SLC24A1: variants seen among roughly 807,000 people sequenced by gnomAD.
SLC24A1 encodes sodium/potassium/calcium exchanger 1.
A neutral mutation model predicts 88.1 loss-of-function variants in SLC24A1; 52 were observed. The observed-to-expected ratio is 0.59, with a 90% CI of 0.47 to 0.74. The LOEUF is 0.74. Among genes scored for constraint, SLC24A1 ranks in the 30% least tolerant of loss-of-function variants. The pLI is 0.00. For missense variants in SLC24A1, 1,173 were observed against 1,363.3 expected, an observed-to-expected ratio of 0.86 and a Z score of 2.20; for synonymous variants, 455 against 498.0, an observed-to-expected ratio of 0.91 and a Z score of 1.15.
chr15:65,617,783 G>A (rs892138515), upstream of SLC24A1, among the ~76,000 whole-genome samples: 1 of 152,234 alleles, frequency 6.6e-6, no homozygotes, highest in Non-Finnish European at 1.5e-5. Flanking sequence ...TAGGTGTGGT[G>A]AGAGAGGGCA....
At chr15:65,611,879 C>G (rs1417137551) in intron 1 of SLC24A1, 1 of 152,304 alleles carries the variant, frequency 6.6e-6, no homozygotes, top group Non-Finnish European at 1.5e-5. Context: ...GGGAAAAACC[C>G]CAAAACTGTA....
At chr15:65,626,252 A>G (rs550802736) in intron 2 of SLC24A1, among the ~76,000 whole-genome samples, 4 of 152,310 alleles carry the variant, frequency 2.6e-5, no homozygotes, top group South Asian at 4.1e-4. Context: ...GTTAAACCAC[A>G]TGTTCAAGGT....
chr15:65,646,375 C>T (rs1047370322), intron 6 of SLC24A1, among the ~76,000 whole-genome samples: 15 of 152,122 alleles, frequency 9.9e-5, no homozygotes, highest in Non-Finnish European at 1.9e-4. Flanking sequence ...CCACGCCCGG[C>T]CGTCTCCATG....
At chr15:65,646,307 G>A (rs182046156) in intron 6 of SLC24A1, among the ~76,000 whole-genome samples, 53 of 152,104 alleles carry the variant, frequency 3.5e-4, no homozygotes, top group African/African-American at 1.2e-3. Context: ...TTGATCTCCT[G>A]ACCTTGTGAT....
chr15:65,641,064 T>C (rs563426677), intron 4 of SLC24A1, among the ~76,000 whole-genome samples: 8 of 150,574 alleles, frequency 5.3e-5, no homozygotes, highest in African/African-American at 1.7e-4. Context: ...CCACCTCAAA[T>C]AAATAAATAA....
intron 2 of SLC24A1, among the ~76,000 whole-genome samples, chr15:65,614,538 C>A (rs553382704): frequency 6.6e-6 from 1 of 152,298 alleles, no homozygotes; most frequent in East Asian, 1.9e-4. Flanking sequence ...CCCCTCTTTT[C>A]CTTCGAAATG....
At chr15:65,622,764 C>CA (rs2074363492) in intron 1 of SLC24A1, among the ~76,000 whole-genome samples, 1 of 148,666 alleles carries the variant, frequency 6.7e-6, no homozygotes, top group Non-Finnish European at 1.5e-5. Flanking sequence ...TTCTTTGAGA[C>CA]AGAGTCTTGC....
At chr15:65,614,598 T>C (rs2074076000) in intron 2 of SLC24A1, among the ~76,000 whole-genome samples, 1 of 152,226 alleles carries the variant, frequency 6.6e-6, no homozygotes, top group Non-Finnish European at 1.5e-5. Flanking sequence ...CTCAATCCTC[T>C]TTCAGTTTTT....
intron 6 of SLC24A1, among the ~76,000 whole-genome samples, chr15:65,646,789 C>G (rs62014372): frequency 0.063 from 9,560 of 152,224 alleles, 318 homozygotes; most frequent in African/African-American, 0.091. Context: ...CATTCAATAC[C>G]CAGAAAACGC....
intron 9 of SLC24A1, 51 bp from the exon 10 acceptor site, chr15:65,653,779 G>A (rs2075587230): frequency 1.3e-6 from 2 of 1,576,664 alleles, no homozygotes; most frequent in South Asian, 2.3e-5. Context: ...TTAAGTGTAT[G>A]GGATTATTAT....
At chr15:65,658,966 C>T (rs537836433), downstream of SLC24A1, among the ~76,000 whole-genome samples, 16 of 151,920 alleles carry the variant, frequency 1.1e-4, no homozygotes, top group Middle Eastern at 3.4e-3. Context: ...AAATCCAACC[C>T]CCAAGAAAGT....
Position 65,655,441 on chromosome 15 carries a change from T to C in SLC24A1, c.*1362T>C, listed in dbSNP as rs2141750677. The C allele has an allele frequency of 1.0e-6, 1 of 985,394 alleles. No homozygotes were observed. The highest frequency in any genetic ancestry group is 5.2e-4 in the Middle Eastern group (1 of 1,914). 61.0% of individuals were successfully genotyped at this position (985,394 alleles called of 1,614,324 possible). A position where few individuals can be genotyped will look rare whatever the true frequency, so the allele number is the denominator to read the frequency against. On this transcript the variant is annotated 3_prime_UTR_variant, in exon 10 of 10. Coordinates refer to ENST00000261892, the MANE Select transcript of SLC24A1 (RefSeq NM_004727.3). ...GCAGTACTACTTCCAAGGTAGCTAG[T>C]GTAAAGGACACTTGAGTTTTTAAAA... is the stretch of plus-strand genomic sequence containing the variant.
At chr15:65,649,330 C>T (rs940684810) in intron 6 of SLC24A1, among the ~76,000 whole-genome samples, 9 of 152,116 alleles carry the variant, frequency 5.9e-5, no homozygotes, top group Non-Finnish European at 7.4e-5. Context: ...AAACTCCTGA[C>T]CTTGTGATCC....
chr15:65,648,529 TG>T (rs2075387081), intron 6 of SLC24A1, among the ~76,000 whole-genome samples: 1 of 151,688 alleles, frequency 6.6e-6, no homozygotes, highest in Non-Finnish European at 1.5e-5. Flanking sequence ...TCGCCTAGGC[TG>T]GAGTGCAGTG....
chr15:65,622,337 C>G (rs2074347378), intron 1 of SLC24A1, among the ~76,000 whole-genome samples: 1 of 152,068 alleles, frequency 6.6e-6, no homozygotes, highest in African/African-American at 2.4e-5. Context: ...TTTGCTTGTC[C>G]CTCTCTTGCT....
upstream of SLC24A1, among the ~76,000 whole-genome samples, chr15:65,621,069 G>A (rs2074302781): frequency 6.6e-6 from 1 of 152,190 alleles, no homozygotes; most frequent in Admixed American, 6.5e-5. Context: ...ACTGTTCCAG[G>A]CCACTCAAGG....
In SLC24A1 at chr15:65,650,671, C is replaced by T; in HGVS notation, c.2522C>T (p.Ala841Val). 1 of 1,542,310 alleles carries T rather than the reference C, an allele frequency of 6.5e-7. No homozygotes were observed. Among genetic ancestry groups the T allele is most frequent in the Non-Finnish European group, 8.8e-7 (1 of 1,142,740 alleles). ...QELSAENHGE[A>V]KNDEKGVEDG... ...CTCAGTGCTGAAAATCACGGTGAAG[C>T]CAAAAATGATGAGAAAGGTGTAGAA... The change falls in exon 7 of 10, where the codon GCC becomes GTC. Residue 841 changes from alanine (A) to valine (V), a missense_variant. By Grantham distance (64) the Ala-to-Val change is moderately conservative (BLOSUM62 0). Transcript: ENST00000261892. The surrounding 1 kb of genome is among the most constrained non-coding windows in gnomAD (Gnocchi z 4.1).
chr15:65,627,933 C>T (rs1056660759), intron 2 of SLC24A1, among the ~76,000 whole-genome samples: 12 of 152,174 alleles, frequency 7.9e-5, no homozygotes, highest in African/African-American at 2.4e-4. Context: ...ATGATTACAT[C>T]TCTGTTCTTA....
chr15:65,613,277 C>G lies in SLC24A1; in HGVS notation c.-228+664C>G, dbSNP rs369187915. On this transcript the variant is annotated intron_variant, in intron 2 of 11. Transcript: ENST00000537259. ...TGAAAGGCAGTGTTTGATCCCCAGTCTGACAGAGGAAAGGTTTATGACAGA... is the reference window on the plus strand; with the variant it reads ...TGAAAGGCAGTGTTTGATCCCCAGTGTGACAGAGGAAAGGTTTATGACAGA... Among the ~76,000 whole-genome samples the G allele has an allele frequency of 5.9e-5, 9 of 152,306 alleles. No homozygotes were observed. In the East Asian group the frequency reaches 7.7e-4, roughly 13 times the overall value.
Sources: allele counts gnomAD v4.1 joint callset (sites outside exome capture counted in the v4.1 genomes callset), GRCh38; gene constraint gnomAD v4.1.1; non-coding constraint Gnocchi (gnomAD v3.1); transcripts MANE v1.5; gene names NCBI Gene and HGNC (gene_info 2026-07-23, HGNC 2026-07-21).